FRMD4A: variants seen among roughly 807,000 people sequenced by gnomAD.
The protein encoded by FRMD4A is FERM domain containing 4A.
Under a neutral mutation model 129.1 loss-of-function variants are expected in FRMD4A, and 29 were observed. The ratio of observed to expected loss-of-function variants is 0.22; its 90% CI spans 0.17 to 0.31. The LOEUF (loss-of-function observed/expected upper bound fraction) is 0.31. FRMD4A is among the 10% of genes least tolerant of loss of function. FRMD4A has a pLI of 1.00. For missense variants in FRMD4A, 1,272 were observed against 1,375.8 expected (o/e 0.92, Z 1.19); for synonymous variants, 634 against 571.6 (o/e 1.11, Z -1.56).
chr10:13,670,543 T>C lies in FRMD4A; in HGVS notation c.1252-15A>G, dbSNP rs775414787. The C allele has an allele frequency of 1.2e-6, 2 of 1,611,254 alleles. No homozygotes were observed. The highest frequency in any genetic ancestry group is 1.7e-6 in the Non-Finnish European group (2 of 1,178,312). ...CCCGTGAGCTCCTGCATATGTGAAA[T>C]GGCATTCGGAGTGAGCACAAATCAG... is the stretch of plus-strand genomic sequence containing the variant. On this transcript the variant is annotated splice_polypyrimidine_tract_variant and intron_variant, in intron 16 of 24. Coordinates refer to ENST00000357447, the MANE Select transcript of FRMD4A (RefSeq NM_018027.5).
chr10:14,308,636 T>C (rs2132101413), intron 2 of FRMD4A, among the ~76,000 whole-genome samples: 1 of 152,314 alleles, frequency 6.6e-6, no homozygotes, highest in East Asian at 1.9e-4. Context: ...CTCTTTTAAG[T>C]TTATTCTCCA....
intron 22 of FRMD4A, chr10:13,654,832 G>A (rs529099252): frequency 2.3e-5 from 9 of 398,146 alleles, no homozygotes; most frequent in African/African-American, 4.1e-5. Flanking sequence ...GGATGGTGAC[G>A]GTTTCTACAG....
At chr10:14,313,271 G>A (rs1846622886) in intron 2 of FRMD4A, among the ~76,000 whole-genome samples, 1 of 151,654 alleles carries the variant, frequency 6.6e-6, no homozygotes, top group African/African-American at 2.4e-5. Context: ...GCTGAGGTGG[G>A]AGGATCACTT....
intron 2 of FRMD4A, among the ~76,000 whole-genome samples, chr10:14,265,849 A>C (rs1844958477): frequency 1.3e-5 from 2 of 152,184 alleles, no homozygotes; most frequent in Non-Finnish European, 2.9e-5. Flanking sequence ...GGGAAGGGAG[A>C]GGGAACCATT....
intron 2 of FRMD4A, among the ~76,000 whole-genome samples, chr10:13,929,665 C>G (rs769823804): frequency 6.6e-6 from 1 of 152,130 alleles, no homozygotes; most frequent in African/African-American, 2.4e-5. Context: ...TTTCTATTAG[C>G]GGTTCTAAGT....
chr10:14,178,367 T>C (rs968293262), intron 2 of FRMD4A, among the ~76,000 whole-genome samples: 1 of 152,242 alleles, frequency 6.6e-6, no homozygotes, highest in Non-Finnish European at 1.5e-5. Context: ...TCATTGAACA[T>C]CCACTTCAAG....
chr10:14,060,701 T>C (rs1834766862), intron 2 of FRMD4A, among the ~76,000 whole-genome samples: 3 of 152,182 alleles, frequency 2.0e-5, no homozygotes, highest in Admixed American at 2.0e-4. Flanking sequence ...TATGGGAATT[T>C]GGTGGGTGAT....
chr10:14,047,014 A>G (rs944047222), intron 2 of FRMD4A, among the ~76,000 whole-genome samples: 4 of 152,166 alleles, frequency 2.6e-5, no homozygotes, highest in Admixed American at 2.0e-4. Context: ...CTGATTTGTC[A>G]GAAGATGGGG....
intron 3 of FRMD4A, among the ~76,000 whole-genome samples, chr10:13,811,290 C>CTTT (rs1251736240): frequency 4.7e-5 from 6 of 126,374 alleles, no homozygotes; most frequent in Non-Finnish European, 8.6e-5. Context: ...CCACGCATGG[C>CTTT]TTTTTTTTTT....
intron 2 of FRMD4A, among the ~76,000 whole-genome samples, chr10:14,032,545 A>G (rs1027581398): frequency 6.6e-6 from 1 of 152,192 alleles, no homozygotes; most frequent in Admixed American, 6.5e-5. Flanking sequence ...AAGTAGCGCT[A>G]TCCACACCCG....
chr10:13,743,022 C>T (rs1291168612), intron 9 of FRMD4A, among the ~76,000 whole-genome samples: 1 of 152,142 alleles, frequency 6.6e-6, no homozygotes, highest in Non-Finnish European at 1.5e-5. Flanking sequence ...GAATTTGATG[C>T]ATAGAGGACA....
intron 2 of FRMD4A, among the ~76,000 whole-genome samples, chr10:13,899,906 C>T (rs746081209): frequency 5.9e-5 from 9 of 152,174 alleles, no homozygotes; most frequent in East Asian, 5.8e-4. Context: ...GCTCCTGTGT[C>T]GTTCCATCAG....
intron 2 of FRMD4A, among the ~76,000 whole-genome samples, chr10:14,122,240 T>G (rs1254705407): frequency 2.0e-5 from 3 of 152,178 alleles, no homozygotes; most frequent in Non-Finnish European, 4.4e-5. Flanking sequence ...AAGTAGCCAT[T>G]GCTAAAATCA....
At chr10:14,319,226 G>A (rs1846872983) in intron 2 of FRMD4A, among the ~76,000 whole-genome samples, 2 of 152,154 alleles carry the variant, frequency 1.3e-5, no homozygotes, top group South Asian at 4.1e-4. Context: ...CATTCCCACT[G>A]TACTCTGTTG....
Position 13,693,454 on chromosome 10 carries a change from C to T in FRMD4A, c.1117+444G>A, listed in dbSNP as rs546137062. 1.1e-4 allele frequency: 113 copies of T among 1,068,332 alleles called. No individual in the cohort carries two copies. The South Asian group carries it at 1.1e-3, about 10-fold the overall frequency. 66.2% of individuals were successfully genotyped at this position (1,068,332 alleles called of 1,614,324 possible). A position where few individuals can be genotyped will look rare whatever the true frequency, so the allele number is the denominator to read the frequency against. ...CTGCGACACGATGGAGAGAGTATTCCGCATTTTTAAAAGCCGGAGAAACCC... is the reference window on the plus strand; with the variant it reads ...CTGCGACACGATGGAGAGAGTATTCTGCATTTTTAAAAGCCGGAGAAACCC... On this transcript the variant is annotated intron_variant, in intron 15 of 24. Transcript: ENST00000357447.
intron 2 of FRMD4A, among the ~76,000 whole-genome samples, chr10:13,969,853 C>G (rs182314788): frequency 4.0e-4 from 61 of 152,062 alleles, no homozygotes; most frequent in Admixed American, 3.4e-3. Context: ...TTCCCTCCCC[C>G]ACCAAAAAAA....
At chr10:14,320,701 A>T (rs1846943919) in intron 2 of FRMD4A, among the ~76,000 whole-genome samples, 1 of 152,248 alleles carries the variant, frequency 6.6e-6, no homozygotes, top group Non-Finnish European at 1.5e-5. Context: ...ATAAGTTCCC[A>T]GGCAAGGGCC....
At chr10:14,060,393 ACAAT>A (rs1565220173) in intron 2 of FRMD4A, among the ~76,000 whole-genome samples, 1 of 152,182 alleles carries the variant, frequency 6.6e-6, no homozygotes, top group Non-Finnish European at 1.5e-5. Context: ...TACTATTATT[ACAAT>A]CCTGTTTTGC....
chr10:14,226,532 C>T (rs541004262), intron 2 of FRMD4A, among the ~76,000 whole-genome samples: 73 of 152,228 alleles, frequency 4.8e-4, no homozygotes, highest in Non-Finnish European at 7.8e-4. Flanking sequence ...TCCTTCCGGG[C>T]GCCATACTGG....
Sources: gnomAD v4.1 joint callset for allele counts (sites outside exome capture counted in the v4.1 genomes callset) on GRCh38, gnomAD v4.1.1 for gene constraint, MANE v1.5 for transcripts, NCBI Gene and HGNC (gene_info 2026-07-23, HGNC 2026-07-21) for gene names.